Variants in CEP72 observed in about 807,000 individuals in gnomAD.
CEP72 encodes centrosomal protein 72.
In CEP72, 78 loss-of-function variants were observed where a neutral mutation model predicts 65.7. The observed-to-expected ratio is 1.19, with a 90% CI of 0.99 to 1.43. The LOEUF (loss-of-function observed/expected upper bound fraction) is 1.43, where lower values mean the gene tolerates loss of function less well. Ranked by LOEUF, CEP72 falls within the 40% of genes most tolerant of loss-of-function variation. The probability of loss-of-function intolerance (pLI) is 0.00; values close to 1 mark genes in which losing one functional copy is unlikely to be tolerated. For synonymous variants in CEP72, 358 were observed against 351.7 expected, an observed-to-expected ratio of 1.02 and a Z score of -0.20; for missense variants, 914 against 832.9, an observed-to-expected ratio of 1.10 and a Z score of -1.20.
Position 612,410 on chromosome 5 carries a change from G to C in CEP72, c.49G>C (p.Ala17Pro). The change falls in exon 1 of 12, where the codon GCG becomes CCG. Residue 17 changes from alanine (A) to proline (P), a missense_variant. Coordinates refer to ENST00000264935, the MANE Select transcript of CEP72 (RefSeq NM_018140.4). ...RLVLSEEAVR[A>P]KSGLGPHRDL... is the part of the protein sequence containing the mutation. ...GGTGCTGAGCGAGGAGGCGGTTCGG[G>C]CGAAGAGCGGCTTAGGGCCTCACCG... The C allele has an allele frequency of 6.7e-7, 1 of 1,488,582 alleles. No homozygotes were observed. Among genetic ancestry groups the C allele is most frequent in the South Asian group, 1.3e-5 (1 of 79,392 alleles). The allele number at this position is 1,488,582 out of a possible 1,614,324, so 92.2% of individuals were successfully genotyped here.
chr5:665,030 T>G, intron 2 of CEP72: 1 of 1,519,698 alleles, frequency 6.6e-7, no homozygotes, highest in East Asian at 2.3e-5. Context: ...AGTACAGGAA[T>G]GTAATGAAGT....
chr5:657,750 C>G (rs1200490778), downstream of CEP72, among the ~76,000 whole-genome samples: 3 of 152,240 alleles, frequency 2.0e-5, no homozygotes, highest in African/African-American at 7.2e-5. Context: ...GCAGCGGGAG[C>G]TGGTGCGTCA....
chr5:653,296 A>G lies in CEP72; in HGVS notation c.*143A>G, dbSNP rs1469131972. The G allele has an allele frequency of 5.0e-6, 4 of 798,198 alleles. No individual in the cohort carries two copies. The highest frequency in any genetic ancestry group is 7.4e-6 in the Non-Finnish European group (4 of 543,416). 49.4% of individuals were successfully genotyped at this position (798,198 alleles called of 1,614,324 possible). A position where few individuals can be genotyped will look rare whatever the true frequency, so the allele number is the denominator to read the frequency against. On this transcript the variant is annotated 3_prime_UTR_variant, in exon 12 of 12. Coordinates refer to ENST00000264935, the MANE Select transcript of CEP72 (RefSeq NM_018140.4). ...TATTTAGGATTTTTGGAATGTATTCAGGACCTGTAGCTTGGTTTTCTAAAG... is the reference window on the plus strand; with the variant it reads ...TATTTAGGATTTTTGGAATGTATTCGGGACCTGTAGCTTGGTTTTCTAAAG...
chr5:642,392 CG>C (rs1738114767), intron 9 of CEP72: 1 of 985,346 alleles, frequency 1.0e-6, no homozygotes, highest in Non-Finnish European at 1.2e-6. Flanking sequence ...TGTGGCCCCC[CG>C]TCTGGAAGCC....
downstream of CEP72, among the ~76,000 whole-genome samples, chr5:655,982 T>C (rs1260860123): frequency 6.6e-6 from 1 of 152,242 alleles, no homozygotes; most frequent in Admixed American, 6.5e-5. The surrounding 1 kb of genome is among the most constrained non-coding windows in gnomAD (Gnocchi z 5.0). Context: ...TTTTTAATAA[T>C]CTTTACTTTG....
intron 4 of CEP72, among the ~76,000 whole-genome samples, chr5:629,068 A>G (rs1355299026): frequency 6.6e-6 from 1 of 152,256 alleles, no homozygotes; most frequent in Non-Finnish European, 1.5e-5. Flanking sequence ...CAGGTGTCGT[A>G]TCATGAGCCA....
intron 11 of CEP72, among the ~76,000 whole-genome samples, chr5:649,794 T>C (rs1489679956): frequency 7.0e-5 from 2 of 28,734 alleles, no homozygotes; most frequent in Non-Finnish European, 1.2e-4. Flanking sequence ...GTGACTGAGG[T>C]GTGACTGTGA....
intron 3 of CEP72, chr5:665,360 A>ATATT: frequency 6.7e-7 from 1 of 1,500,066 alleles, no homozygotes. Flanking sequence ...AGCAAGTGAA[A>ATATT]TGGCTGTGCC....
At chr5:651,335 G>T (rs1024336855) in intron 11 of CEP72, among the ~76,000 whole-genome samples, 3 of 137,930 alleles carry the variant, frequency 2.2e-5, no homozygotes, top group African/African-American at 2.7e-5. Flanking sequence ...GGACTGTGAG[G>T]TGTGACTGTG....
intron 11 of CEP72, among the ~76,000 whole-genome samples, chr5:648,509 G>A (rs1416320749): frequency 5.6e-5 from 8 of 143,210 alleles, no homozygotes; most frequent in African/African-American, 1.9e-4. Context: ...ACTGTGAGGT[G>A]TGGACTGTGA....
chr5:647,727 G>A (rs1738513791), intron 10 of CEP72, 78 bp from the exon 11 acceptor site: 4 of 934,236 alleles, frequency 4.3e-6, no homozygotes, highest in Non-Finnish European at 6.7e-6. Context: ...CAGTTTAAAT[G>A]TAGAATTGTT....
Position 638,509 on chromosome 5 carries a change from G to A in CEP72, c.1207-580G>A, listed in dbSNP as rs189152352. 1.7e-3 allele frequency among the ~76,000 whole-genome samples: 266 copies of A among 152,136 alleles called. 3 individuals are homozygous for A. The highest frequency in any genetic ancestry group is 6.1e-3 in the African/African-American group (254 of 41,486). On this transcript the variant is annotated intron_variant, in intron 7 of 11. Transcript: ENST00000264935. ...AGGAGCTTGAAGGTGCGGAACTGTG[G>A]GACAGGAAGGGAGGCATGGCCGGAG...
rs143008724 is a variant in CEP72 at position 626,549 on chromosome 5, G to A, written c.512+1970G>A. On this transcript the variant is annotated intron_variant, in intron 4 of 11. Coordinates refer to ENST00000264935, the MANE Select transcript of CEP72 (RefSeq NM_018140.4). ...CAAACATTGAACTGGGCCAGCCACA[G>A]TGGCTAACACCTGTAATCTCAGTGC... Among the ~76,000 whole-genome samples, 853 of 152,376 alleles carry A rather than the reference G, an allele frequency of 5.6e-3. 8 individuals carry two copies. The highest frequency in any genetic ancestry group is 0.01 in the Admixed American group (154 of 15,308).
chr5:625,316 G>A (rs1443689659), intron 4 of CEP72, among the ~76,000 whole-genome samples: 1 of 152,244 alleles, frequency 6.6e-6, no homozygotes, highest in Non-Finnish European at 1.5e-5. Context: ...TGTCTTGTCT[G>A]AGGCTTTTAA....
At position 635,424 on chromosome 5, in the gene CEP72, T is replaced by G. The variant is rs761294755; in HGVS notation, c.744T>G (p.Ser248=). ...TGGTACAGTACCAGTGTGGGGACTC[T>G]GGGAAGCAGGGCCGTGAGACGAGGA... The part of the protein sequence containing the change: ...PQLVQYQCGD[S]GKQGRETRRS... Residue 248 remains serine (S), a synonymous_variant, in exon 6 of 12, where the codon TCT becomes TCG. Transcript: ENST00000264935. 1.2e-6 allele frequency: 2 copies of G among 1,614,170 alleles called. No individual in the cohort carries two copies. Among genetic ancestry groups the G allele is most frequent in the Non-Finnish European group, 1.7e-6 (2 of 1,180,004 alleles).
At chr5:659,706 C>T (rs759115577), downstream of CEP72, among the ~76,000 whole-genome samples, 32 of 152,206 alleles carry the variant, frequency 2.1e-4, no homozygotes, top group Admixed American at 1.4e-3. Flanking sequence ...GATGAGGAAG[C>T]GAGAGACTCC....
At chr5:673,648 G>C in the CEP72 span, among the ~76,000 whole-genome samples, 1 of 152,196 alleles carries the variant, frequency 6.6e-6, no homozygotes, top group South Asian at 2.1e-4. Context: ...ACAGCTGTCT[G>C]CTCCCCCAGA....
chr5:650,396 TGA>T (rs1738930249), intron 11 of CEP72, among the ~76,000 whole-genome samples: 1 of 2,908 alleles, frequency 3.4e-4, no homozygotes, highest in South Asian at 0.013. Context: ...GGTGTGACTG[TGA>T]GGTGTGACTG....
At position 619,145 on chromosome 5, in the gene CEP72, T is replaced by G. The variant is rs190480986; in HGVS notation, c.210+28T>G. On this transcript the variant is annotated intron_variant, in intron 2 of 11. Transcript: ENST00000264935. ...AAGTTTTAGGTCTCTTTCTTAAAATTTATTGCTATCAACATCAGTGGAAAG... is the reference window on the plus strand; with the variant it reads ...AAGTTTTAGGTCTCTTTCTTAAAATGTATTGCTATCAACATCAGTGGAAAG... 110 of 1,601,874 alleles carry G rather than the reference T, an allele frequency of 6.9e-5. No individual in the cohort carries two copies. The East Asian group carries it at 2.0e-3, about 29-fold the overall frequency.
Sources: gnomAD v4.1 joint callset for allele counts (sites outside exome capture counted in the v4.1 genomes callset) on GRCh38, gnomAD v4.1.1 for gene constraint, Gnocchi (gnomAD v3.1) non-coding constraint, MANE v1.5 for transcripts, NCBI Gene and HGNC (gene_info 2026-07-23, HGNC 2026-07-21) for gene names.